Variants in PAPLN observed in about 807,000 individuals in gnomAD.
PAPLN encodes the protein papilin, proteoglycan like sulfated glycoprotein, also known as papilin.
In PAPLN, 146 loss-of-function variants were observed where a neutral mutation model predicts 159.0. The ratio of observed to expected loss-of-function variants is 0.92; its 90% CI spans 0.80 to 1.05. The LOEUF (loss-of-function observed/expected upper bound fraction) is 1.05. Among genes scored for constraint, PAPLN ranks in the 50% least tolerant of loss-of-function variants. The pLI, the probability that PAPLN is intolerant of heterozygous loss-of-function variation, is 0.00. For synonymous variants in PAPLN, 734 were observed against 702.9 expected (o/e 1.04, Z -0.70); for missense variants, 1,720 against 1,743.9 (o/e 0.99, Z 0.24).
chr14:73,253,810 C>T lies in PAPLN; in HGVS notation c.1151C>T (p.Ser384Phe). Reference sequence around the variant, plus strand: ...GCCTCCTGTGGAGGAGGCTCCCAGTCCCGCTCCGTGTACTGCATCTCGTCT... The same window carrying T: ...GCCTCCTGTGGAGGAGGCTCCCAGTTCCGCTCCGTGTACTGCATCTCGTCT... ...CSASCGGGSQ[S>F]RSVYCISSDG... The change falls in exon 12 of 27, where the codon TCC becomes TTC. Residue 384 changes from serine (S) to phenylalanine (F), a missense_variant. Transcript: ENST00000644200. 1.2e-6 allele frequency: 2 copies of T among 1,613,358 alleles called. No homozygotes were observed. The highest frequency in any genetic ancestry group is 1.7e-6 in the Non-Finnish European group (2 of 1,179,716).
chr14:73,266,942 T>TCCTGGCA, intron 25 of PAPLN, 111 bp downstream of exon 25: 1 of 1,073,288 alleles, frequency 9.3e-7, no homozygotes, highest in Non-Finnish European at 1.4e-6. Context: ...CATTCCGGCT[T>TCCTGGCA]CCAGGCCTGG....
Position 73,272,615 on chromosome 14 carries a change from G to C in PAPLN, c.3788G>C (p.Cys1263Ser), listed in dbSNP as rs1316573620. ...AATGAGTATTACTCCAGCTTCTGCT[G>C]TGCCAGCTGTTCACGTTTCCAGCCT... ...CGNEYYSSFC[C>S]ASCSRFQPHA... Residue 1263 changes from cysteine to serine, a missense_variant, in exon 27 of 27, where the codon TGT (cysteine) becomes TCT (serine). By Grantham distance (112) the Cys-to-Ser change is moderately radical. Coordinates refer to ENST00000644200, the MANE Select transcript of PAPLN (RefSeq NM_001365906.3). 1.3e-6 allele frequency: 2 copies of C among 1,596,092 alleles called. No individual in the cohort carries two copies. Among genetic ancestry groups the C allele is most frequent in the Non-Finnish European group, 1.7e-6 (2 of 1,165,184 alleles).
intron 14 of PAPLN, among the ~76,000 whole-genome samples, chr14:73,256,546 A>AAG (rs1199862884): frequency 6.6e-6 from 1 of 151,480 alleles, no homozygotes; most frequent in Admixed American, 6.6e-5. Flanking sequence ...AAAAAAAAAA[A>AAG]AAAAAGAAAT....
rs923770250 is a variant in PAPLN at position 73,245,295 on chromosome 14, G to C, written c.171-341G>C. On this transcript the variant is annotated intron_variant, in intron 3 of 26. Coordinates refer to ENST00000644200, the MANE Select transcript of PAPLN (RefSeq NM_001365906.3). This position sits in a 1 kb window ranked among gnomAD's most constrained non-coding sequence, Gnocchi z 4.2. ...GGAATGATCCTAAGAGCCTTATACTGATGTCCTGCTTAGATCGCAGGATGG... is the reference window on the plus strand; with the variant it reads ...GGAATGATCCTAAGAGCCTTATACTCATGTCCTGCTTAGATCGCAGGATGG... 1 of 324,466 alleles carries C rather than the reference G, an allele frequency of 3.1e-6. No homozygotes were observed. Among genetic ancestry groups the C allele is most frequent in the Non-Finnish European group, 5.8e-6 (1 of 171,028 alleles). 20.1% of individuals were successfully genotyped at this position (324,466 alleles called of 1,614,324 possible).
intron 1 of PAPLN, chr14:73,239,492 T>A: frequency 2.2e-6 from 1 of 449,838 alleles, no homozygotes; most frequent in South Asian, 4.2e-5. Context: ...GTATTTTTAA[T>A]TGCTCTCTCT....
At chr14:73,249,224 C>T (rs531971076) in intron 5 of PAPLN, among the ~76,000 whole-genome samples, 4 of 152,334 alleles carry the variant, frequency 2.6e-5, no homozygotes, top group South Asian at 2.1e-4. Flanking sequence ...ACATTATTCT[C>T]TCCATATATG....
chr14:73,239,941 C>T (rs1883359311), intron 2 of PAPLN, 109 bp downstream of exon 2: 4 of 1,449,782 alleles, frequency 2.8e-6, no homozygotes, highest in South Asian at 2.8e-5. Flanking sequence ...GTCAGGGAAG[C>T]TGGGCTGGGA....
intron 5 of PAPLN, 90 bp downstream of exon 5, chr14:73,246,265 C>T (rs1884305403): frequency 2.0e-6 from 2 of 1,013,920 alleles, no homozygotes; most frequent in African/African-American, 1.8e-5. Flanking sequence ...GAGGCGTTGT[C>T]ATATATATAT....
chr14:73,259,564 T>A lies in PAPLN; in HGVS notation c.1985+19T>A, dbSNP rs2293799. The A allele has an allele frequency of 0.014, 21,678 of 1,496,734 alleles. 957 individuals carry two copies. Among genetic ancestry groups the A allele is most frequent in the African/African-American group, 0.13 (9,488 of 71,418 alleles). 92.7% of individuals were successfully genotyped at this position (1,496,734 alleles called of 1,614,324 possible). Reference sequence around the variant, plus strand: ...AGAGCAGGTGGGTGCTGGAGACAGGTCTTCCTCCTCCCCCGTCAAAGAGGG... The same window carrying A: ...AGAGCAGGTGGGTGCTGGAGACAGGACTTCCTCCTCCCCCGTCAAAGAGGG... On this transcript the variant is annotated intron_variant, in intron 16 of 26. Transcript: ENST00000644200.
At chr14:73,254,751 T>A in intron 13 of PAPLN, 56 bp downstream of exon 13, 1 of 1,595,836 alleles carries the variant, frequency 6.3e-7, no homozygotes, top group Non-Finnish European at 8.5e-7. Flanking sequence ...GGCAGGTGGC[T>A]GCACCCGAGC....
At chr14:73,246,621 T>TCTTTTC (rs1284933208) in intron 5 of PAPLN, among the ~76,000 whole-genome samples, 2 of 150,370 alleles carry the variant, frequency 1.3e-5, no homozygotes, top group Non-Finnish European at 3.0e-5. Flanking sequence ...TTCCTTTTTT[T>TCTTTTC]CTTTTCCTTT....
intron 1 of PAPLN, among the ~76,000 whole-genome samples, chr14:73,237,969 C>G (rs897359473): frequency 6.6e-6 from 1 of 152,150 alleles, no homozygotes; most frequent in African/African-American, 2.4e-5. Flanking sequence ...GGGCCTGGAG[C>G]GTCCGGGAGC....
chr14:73,242,236 G>A (rs1457972422), intron 2 of PAPLN, among the ~76,000 whole-genome samples: 1 of 152,220 alleles, frequency 6.6e-6, no homozygotes, highest in Non-Finnish European at 1.5e-5. Flanking sequence ...GGAGGCAAGA[G>A]GGCATTCTGG....
At chr14:73,263,449 G>A (rs1886806552) in intron 19 of PAPLN, 196 bp from the exon 20 acceptor site, 2 of 651,982 alleles carry the variant, frequency 3.1e-6, no homozygotes, top group South Asian at 1.9e-5. Flanking sequence ...GCTTGGGGGA[G>A]CCGGGGGCAG....
rs374976977 is a variant in PAPLN, at chr14:73,245,711, G to A, written c.231+15G>A. The A allele has an allele frequency of 1.2e-3, 1,800 of 1,541,342 alleles. 2 individuals carry two copies. The highest frequency in any genetic ancestry group is 1.5e-3 in the Non-Finnish European group (1,703 of 1,147,716). On this transcript the variant is annotated intron_variant, in intron 4 of 26. Coordinates refer to ENST00000644200, the MANE Select transcript of PAPLN (RefSeq NM_001365906.3). The surrounding 1 kb of genome is among the most constrained non-coding windows in gnomAD (Gnocchi z 4.2). ...GTCGCACGGAGGTAAAGCTCACGGGGCGCGGGCGAAGGCACCAGCTTCCCC... is the reference window on the plus strand; with the variant it reads ...GTCGCACGGAGGTAAAGCTCACGGGACGCGGGCGAAGGCACCAGCTTCCCC...
chr14:73,258,022 C>T (rs1461833444), intron 14 of PAPLN, among the ~76,000 whole-genome samples: 1 of 152,150 alleles, frequency 6.6e-6, no homozygotes, highest in South Asian at 2.1e-4. Flanking sequence ...GCCTCGGCCT[C>T]CCAAAGTGCT....
intron 14 of PAPLN, 125 bp downstream of exon 14, chr14:73,255,143 T>C: frequency 7.7e-7 from 1 of 1,304,270 alleles, no homozygotes; most frequent in Non-Finnish European, 1.0e-6. Context: ...ACCCCACTTC[T>C]CCCATGTCTC....
intron 1 of PAPLN, among the ~76,000 whole-genome samples, chr14:73,238,249 T>A (rs1883182615): frequency 6.6e-6 from 1 of 152,212 alleles, no homozygotes; most frequent in African/African-American, 2.4e-5. Context: ...GGTCGCCGCC[T>A]TCGGCCCTAG....
chr14:73,246,149 G>T lies in PAPLN; in HGVS notation c.308G>T (p.Arg103Leu). The change falls in exon 5 of 27, where the codon CGG (arginine) becomes CTG (leucine). Residue 103 changes from arginine (R) to leucine (L), a missense_variant. Transcript: ENST00000644200. ...GACGGAGCGGAGTTCCAGGGGCGGC[G>T]GTATCGGTGGCTGCCCTACTACAGC... ...EFDGAEFQGR[R>L]YRWLPYYSAP... is the part of the protein sequence containing the mutation. The T allele has an allele frequency of 6.3e-7, 1 of 1,590,634 alleles. No homozygotes were observed. The highest frequency in any genetic ancestry group is 8.5e-7 in the Non-Finnish European group (1 of 1,171,402).
Sources: allele counts gnomAD v4.1 joint callset (sites outside exome capture counted in the v4.1 genomes callset), GRCh38; gene constraint gnomAD v4.1.1; non-coding constraint Gnocchi (gnomAD v3.1); transcripts MANE v1.5; gene names NCBI Gene and HGNC (gene_info 2026-07-23, HGNC 2026-07-21).